Variants in TXK observed in about 807,000 individuals in gnomAD.
TXK encodes the protein tyrosine-protein kinase TXK.
TXK carries 60 observed loss-of-function variants against 81.0 expected under a neutral mutation model. The ratio of observed to expected loss-of-function variants is 0.74; its 90% confidence interval spans 0.60 to 0.92. TXK has a LOEUF of 0.92. TXK is among the 40% of genes least tolerant of loss of function. TXK has a pLI of 0.00. For synonymous variants in TXK, 203 were observed against 210.7 expected, an observed-to-expected ratio of 0.96 and a Z score of 0.32; for missense variants, 581 against 638.3, an observed-to-expected ratio of 0.91 and a Z score of 0.97.
intron 5 of TXK, chr4:48,105,993 T>A (rs542099129): frequency 6.6e-6 from 1 of 152,040 alleles, no homozygotes; most frequent in Non-Finnish European, 1.5e-5. Context: ...AGTAAGCAAA[T>A]GTTGTACAGG....
At chr4:48,070,839 A>G (rs1169653782) in intron 14 of TXK, among the ~76,000 whole-genome samples, 1 of 151,160 alleles carries the variant, frequency 6.6e-6, no homozygotes, top group Non-Finnish European at 1.5e-5. Context: ...TCGGCCTCCC[A>G]AAGTGCTGGG....
At chr4:48,071,092 G>A (rs1716831615) in intron 14 of TXK, among the ~76,000 whole-genome samples, 1 of 151,022 alleles carries the variant, frequency 6.6e-6, no homozygotes, top group Non-Finnish European at 1.5e-5. Context: ...TAGAGATGGG[G>A]TTTTACCACG....
chr4:48,126,751 C>G (rs767904892), intron 1 of TXK, among the ~76,000 whole-genome samples: 16 of 152,214 alleles, frequency 1.1e-4, no homozygotes, highest in Non-Finnish European at 1.9e-4. Flanking sequence ...TGATCCCCCT[C>G]TTTGGCCTCC....
chr4:48,116,021 G>A (rs1051364568), intron 1 of TXK, among the ~76,000 whole-genome samples: 1 of 152,186 alleles, frequency 6.6e-6, no homozygotes, highest in African/African-American at 2.4e-5. Flanking sequence ...CTGGGGTTTA[G>A]CCCTAGTCAC....
At chr4:48,077,850 T>G (rs1717130770) in intron 11 of TXK, among the ~76,000 whole-genome samples, 1 of 152,186 alleles carries the variant, frequency 6.6e-6, no homozygotes, top group South Asian at 2.1e-4. Flanking sequence ...GGTGCTATAA[T>G]TAATACCATT....
rs143280524 is a variant in TXK, at chr4:48,095,659, G to A, written c.502-437C>T. ...AGGAACACAGCTGGGCAAGCAGGGC[G>A]TGGGGAAGGACACCAGAGTTCATGG... On this transcript the variant is annotated intron_variant, in intron 6 of 14. Transcript: ENST00000264316. Among the ~76,000 whole-genome samples the A allele has an allele frequency of 1.8e-3, 272 of 152,292 alleles. 1 individual carries two copies. The highest frequency in any genetic ancestry group is 6.3e-3 in the Admixed American group (96 of 15,300).
At chr4:48,093,447 G>T (rs1271272573) in intron 8 of TXK, among the ~76,000 whole-genome samples, 2 of 152,214 alleles carry the variant, frequency 1.3e-5, no homozygotes, top group African/African-American at 4.8e-5. Flanking sequence ...GTTGGGCAAG[G>T]GCTGAAGGCC....
chr4:48,104,595 T>TAGAG (rs1220835559), intron 6 of TXK, among the ~76,000 whole-genome samples: 2 of 15,362 alleles, frequency 1.3e-4, no homozygotes, highest in African/African-American at 4.6e-4. Context: ...TATATATATA[T>TAGAG]AGAGAGAGAG....
At chr4:48,094,017 A>AT in intron 8 of TXK, 60 bp downstream of exon 8, 1 of 1,606,062 alleles carries the variant, frequency 6.2e-7, no homozygotes, top group South Asian at 1.1e-5. Flanking sequence ...GATACCAAAG[A>AT]TGCATTGCCC....
chr4:48,121,546 TA>T (rs1436431516), intron 1 of TXK, among the ~76,000 whole-genome samples: 1 of 152,206 alleles, frequency 6.6e-6, no homozygotes, highest in African/African-American at 2.4e-5. Context: ...GATCCTTATA[TA>T]AAATGACATA....
At chr4:48,126,246 A>G (rs950244532) in intron 1 of TXK, among the ~76,000 whole-genome samples, 2 of 152,218 alleles carry the variant, frequency 1.3e-5, no homozygotes, top group African/African-American at 4.8e-5. Context: ...GACGAGGATG[A>G]AGGCATTTAT....
intron 1 of TXK, among the ~76,000 whole-genome samples, chr4:48,124,832 TTTG>T (rs1358101318): frequency 1.3e-5 from 2 of 152,342 alleles, no homozygotes; most frequent in Admixed American, 6.5e-5. Flanking sequence ...TTCAAATGTG[TTTG>T]TTTTTTCTTT....
At chr4:48,107,895 T>C (rs1718508664) in intron 5 of TXK, among the ~76,000 whole-genome samples, 1 of 129,500 alleles carries the variant, frequency 7.7e-6, no homozygotes, top group Admixed American at 7.9e-5. Context: ...ACTCTGTCTC[T>C]ACTTAAAAAA....
In TXK at chr4:48,080,180, A is replaced by T. The variant is rs759811508; in HGVS notation, c.957-52T>A. 2.2e-6 allele frequency: 3 copies of T among 1,370,728 alleles called. No individual in the cohort carries two copies. The African/African-American group carries it at 4.3e-5, about 20-fold the overall frequency. The allele number at this position is 1,370,728 out of a possible 1,614,324, so 84.9% of individuals were successfully genotyped here. A position where few individuals can be genotyped will look rare whatever the true frequency, so the allele number is the denominator to read the frequency against. ...AGCAGAATTGTGTTTGCATTTTTAA[A>T]TGTTTGAACATAACTGGTAGTATTT... is the stretch of plus-strand genomic sequence containing the variant. On this transcript the variant is annotated intron_variant, in intron 10 of 14. Coordinates refer to ENST00000264316, the MANE Select transcript of TXK (RefSeq NM_003328.3).
intron 1 of TXK, among the ~76,000 whole-genome samples, chr4:48,120,285 G>GTA (rs1392278956): frequency 1.4e-5 from 2 of 147,942 alleles, no homozygotes; most frequent in East Asian, 3.9e-4. Context: ...ACGTATATAT[G>GTA]TATATATATG....
chr4:48,076,276 G>T, intron 12 of TXK, 126 bp downstream of exon 12: 1 of 653,926 alleles, frequency 1.5e-6, no homozygotes, highest in Non-Finnish European at 2.4e-6. Flanking sequence ...CATACAACCA[G>T]GCCTACAACC....
At chr4:48,074,582 T>C (rs769778382) in intron 12 of TXK, among the ~76,000 whole-genome samples, 2 of 152,136 alleles carry the variant, frequency 1.3e-5, no homozygotes, top group African/African-American at 2.4e-5. Context: ...AGAATGGCCC[T>C]ATATGGAAAG....
At chr4:48,085,960 G>A (rs1717511873) in intron 10 of TXK, among the ~76,000 whole-genome samples, 1 of 152,160 alleles carries the variant, frequency 6.6e-6, no homozygotes, top group South Asian at 2.1e-4. Flanking sequence ...GATGCAAAAG[G>A]CTGTCACCCT....
rs543336207 is a variant in TXK at position 48,098,945 on chromosome 4, A to G, written c.502-3723T>C. 7.5e-4 allele frequency among the ~76,000 whole-genome samples: 49 copies of G among 65,268 alleles called. No homozygotes were observed. In the South Asian group the frequency reaches 0.021, roughly 28 times the overall value. 42.8% of individuals were successfully genotyped at this position (65,268 alleles called of 152,430 possible). A position where few individuals can be genotyped will look rare whatever the true frequency, so the allele number is the denominator to read the frequency against. ...AAGACTGTCAAAAAACAAACATACA[A>G]ACAAAAAAAAAATGGGAAAAAAGAA... On this transcript the variant is annotated intron_variant, in intron 6 of 14. Transcript: ENST00000264316.
Sources: allele counts gnomAD v4.1 joint callset (sites outside exome capture counted in the v4.1 genomes callset), GRCh38; gene constraint gnomAD v4.1.1; transcripts MANE v1.5; gene names NCBI Gene and HGNC (gene_info 2026-07-23, HGNC 2026-07-21).